The following MOB3B variants were observed in gnomAD, a reference collection of about 807,000 sequenced individuals.
The protein encoded by MOB3B is MOB kinase activator-like 2B.
A neutral mutation model predicts 18.7 loss-of-function variants in MOB3B; 7 were observed. The ratio of observed to expected loss-of-function variants is 0.37; its 90% CI spans 0.21 to 0.70. MOB3B has a LOEUF of 0.70. Ranked by LOEUF, MOB3B falls within the 30% of genes least tolerant of loss-of-function variation. MOB3B has a pLI of 0.52. For synonymous variants in MOB3B, 111 were observed against 99.9 expected, an observed-to-expected ratio of 1.11 and a Z score of -0.66; for missense variants, 253 against 281.3, an observed-to-expected ratio of 0.90 and a Z score of 0.72.
chr9:27,449,830 C>A (rs1248845358), intron 2 of MOB3B, among the ~76,000 whole-genome samples: 1 of 151,818 alleles, frequency 6.6e-6, no homozygotes, highest in East Asian at 1.9e-4. Flanking sequence ...ATATAAAAAT[C>A]AACCAGGTGT....
intron 2 of MOB3B, among the ~76,000 whole-genome samples, chr9:27,406,857 T>A (rs1245326486): frequency 6.6e-6 from 1 of 152,006 alleles, no homozygotes; most frequent in Non-Finnish European, 1.5e-5. Context: ...TTTTTTTTTT[T>A]AGATGGATTT....
chr9:27,390,901 C>G (rs142700364), intron 2 of MOB3B, among the ~76,000 whole-genome samples: 1 of 152,188 alleles, frequency 6.6e-6, no homozygotes, highest in Non-Finnish European at 1.5e-5. Flanking sequence ...CCCGCTTCCA[C>G]CACCTGAGGA....
intron 1 of MOB3B, among the ~76,000 whole-genome samples, chr9:27,514,794 T>C (rs1002669483): frequency 6.6e-6 from 1 of 151,892 alleles, no homozygotes; most frequent in African/African-American, 2.4e-5. Flanking sequence ...CTCTGCAGCA[T>C]GTCTGCCAAG....
chr9:27,405,680 A>G (rs535143580), intron 2 of MOB3B, among the ~76,000 whole-genome samples: 5 of 152,324 alleles, frequency 3.3e-5, no homozygotes, highest in African/African-American at 1.2e-4. Flanking sequence ...AAAAAAAGAA[A>G]ACTATAGGCC....
chr9:27,522,408 A>C (rs1299641536), intron 1 of MOB3B, among the ~76,000 whole-genome samples: 2 of 124,724 alleles, frequency 1.6e-5, no homozygotes, highest in East Asian at 4.4e-4. Context: ...CATATATATC[A>C]AGACATTTTT....
At chr9:27,495,899 T>G (rs181956861) in intron 1 of MOB3B, among the ~76,000 whole-genome samples, 26 of 152,302 alleles carry the variant, frequency 1.7e-4, no homozygotes, top group African/African-American at 6.0e-4. Context: ...CAGAACTCCC[T>G]TTTCTCAAGG....
intron 3 of MOB3B, among the ~76,000 whole-genome samples, chr9:27,333,583 T>G (rs1345855373): frequency 6.6e-6 from 1 of 152,166 alleles, no homozygotes; most frequent in Non-Finnish European, 1.5e-5. Context: ...AAACGTGTAT[T>G]AAAAGGCTTC....
chr9:27,465,039 C>T (rs1454509143), intron 1 of MOB3B, among the ~76,000 whole-genome samples: 1 of 152,114 alleles, frequency 6.6e-6, no homozygotes, highest in East Asian at 1.9e-4. Flanking sequence ...ATTTCAAAAC[C>T]AATCATGCCT....
At chr9:27,342,772 A>G (rs988154026) in intron 3 of MOB3B, among the ~76,000 whole-genome samples, 18 of 151,528 alleles carry the variant, frequency 1.2e-4, no homozygotes, top group African/African-American at 2.7e-4. Context: ...TCAGTGCTCA[A>G]TGTTGCCCAG....
chr9:27,468,796 C>A (rs1448123978), intron 1 of MOB3B, among the ~76,000 whole-genome samples: 1 of 152,160 alleles, frequency 6.6e-6, no homozygotes, highest in African/African-American at 2.4e-5. Context: ...GGACTAGGCC[C>A]CCATAATCAT....
At chr9:27,343,238 G>C (rs982364914) in intron 3 of MOB3B, among the ~76,000 whole-genome samples, 15 of 151,412 alleles carry the variant, frequency 9.9e-5, no homozygotes, top group Admixed American at 6.6e-5. Flanking sequence ...ATTAAGGGTG[G>C]TGCAAGATGT....
intron 2 of MOB3B, 130 bp from the exon 3 acceptor site, chr9:27,359,366 A>C: frequency 2.8e-6 from 1 of 363,124 alleles, no homozygotes; most frequent in African/African-American, 2.4e-5. Flanking sequence ...AGTCATAGGG[A>C]GTGTGTGTGT....
At chr9:27,368,353 TACACAC>T (rs138287792) in intron 2 of MOB3B, among the ~76,000 whole-genome samples, 459 of 145,984 alleles carry the variant, frequency 3.1e-3, no homozygotes, top group African/African-American at 0.01. Context: ...CACACATACA[TACACAC>T]ACACACACAC....
At chr9:27,473,943 A>G (rs1819513223) in intron 1 of MOB3B, among the ~76,000 whole-genome samples, 1 of 152,174 alleles carries the variant, frequency 6.6e-6, no homozygotes, top group South Asian at 2.1e-4. Context: ...AATGAATGAG[A>G]TTAGCCATTA....
At chr9:27,347,525 G>A (rs1009553017) in intron 3 of MOB3B, among the ~76,000 whole-genome samples, 1 of 152,250 alleles carries the variant, frequency 6.6e-6, no homozygotes. Flanking sequence ...TTGGGGGATG[G>A]ACTTCTAGGG....
intron 1 of MOB3B, among the ~76,000 whole-genome samples, chr9:27,503,706 G>GACT (rs1439868455): frequency 6.6e-6 from 1 of 152,328 alleles, no homozygotes; most frequent in Admixed American, 6.5e-5. Context: ...ATTCCTTTAG[G>GACT]ACTAGGGCAT....
At chr9:27,442,043 C>T (rs2131434204) in intron 2 of MOB3B, among the ~76,000 whole-genome samples, 1 of 152,310 alleles carries the variant, frequency 6.6e-6, no homozygotes, top group Admixed American at 6.5e-5. Flanking sequence ...AACAATATTA[C>T]TCTCTTTACT....
intron 1 of MOB3B, among the ~76,000 whole-genome samples, chr9:27,502,740 A>T (rs549603005): frequency 6.4e-4 from 98 of 152,356 alleles, no homozygotes; most frequent in Non-Finnish European, 1.3e-3. Flanking sequence ...AGCTTTTGTC[A>T]TGTGGCCTCC....
chr9:27,526,465 C>G (rs1001762320), intron 1 of MOB3B: 5 of 152,218 alleles, frequency 3.3e-5, no homozygotes, highest in South Asian at 2.1e-4. Context: ...TCATGACTTT[C>G]TCTAATAAAG....
Sources: gnomAD v4.1 joint callset for allele counts (sites outside exome capture counted in the v4.1 genomes callset) on GRCh38, gnomAD v4.1.1 for gene constraint, MANE v1.5 for transcripts, NCBI Gene and HGNC (gene_info 2026-07-23, HGNC 2026-07-21) for gene names.